The following MCUB variants were observed in gnomAD, a reference collection of about 807,000 sequenced individuals.
The protein encoded by MCUB is mitochondrial calcium uniporter dominant negative subunit beta, also known as calcium uniporter regulatory subunit MCUb, mitochondrial.
A neutral mutation model predicts 41.4 loss-of-function variants in MCUB; 46 were observed. The ratio of observed to expected loss-of-function variants is 1.11; its 90% CI spans 0.88 to 1.42. The LOEUF is 1.42. Among genes scored for constraint, MCUB ranks in the 40% most tolerant of loss-of-function variants. The pLI, the probability that MCUB is intolerant of heterozygous loss-of-function variation, is 0.00. For missense variants in MCUB, 403 were observed against 404.9 expected (o/e 1.00, Z 0.04); for synonymous variants, 148 against 148.2 (o/e 1.00, Z 0.01).
intron 1 of MCUB, among the ~76,000 whole-genome samples, chr4:109,569,497 C>CTTTTTTTTTT (rs35808519): frequency 1.1e-5 from 1 of 87,198 alleles, no homozygotes; most frequent in Non-Finnish European, 2.0e-5. Flanking sequence ...TTGGCTATCC[C>CTTTTTTTTTT]TTTTTTTTTT....
At chr4:109,686,134 G>A (rs1729831001) in intron 7 of MCUB, among the ~76,000 whole-genome samples, 1 of 152,146 alleles carries the variant, frequency 6.6e-6, no homozygotes, top group African/African-American at 2.4e-5. Flanking sequence ...AAAAATTGAA[G>A]GACGTTTTAA....
Position 109,587,650 on chromosome 4 carries a change from A to T in MCUB, c.99+27214A>T, listed in dbSNP as rs1430327521. On this transcript the variant is annotated intron_variant, in intron 1 of 7. Transcript: ENST00000394650. ...ACTTTTACAGGTTTGAAACAAGTTT[A>T]TAGGAAATCAGAATATTATCTTTAA... 3.3e-5 allele frequency among the ~76,000 whole-genome samples: 5 copies of T among 152,240 alleles called. No individual in the cohort carries two copies. The East Asian group carries it at 9.6e-4, about 29-fold the overall frequency.
At chr4:109,676,709 G>A (rs1239740309) in intron 4 of MCUB, among the ~76,000 whole-genome samples, 2 of 152,176 alleles carry the variant, frequency 1.3e-5, no homozygotes, top group African/African-American at 4.8e-5. Context: ...ACAAGACTGG[G>A]CAGTTACAAA....
intron 1 of MCUB, among the ~76,000 whole-genome samples, chr4:109,635,590 G>A (rs1225340574): frequency 6.6e-6 from 1 of 152,120 alleles, no homozygotes; most frequent in African/African-American, 2.4e-5. Flanking sequence ...ATCAGACACC[G>A]CCTCCTTCAG....
intron 1 of MCUB, among the ~76,000 whole-genome samples, chr4:109,591,876 T>C (rs1201093028): frequency 6.6e-6 from 1 of 151,738 alleles, no homozygotes; most frequent in Non-Finnish European, 1.5e-5. Context: ...TTTTTGTATT[T>C]TTTAGTAGAT....
At position 109,597,662 on chromosome 4, in the gene MCUB, C is replaced by T. The variant is rs929445650; in HGVS notation, c.99+37226C>T. On this transcript the variant is annotated intron_variant, in intron 1 of 7. Coordinates refer to ENST00000394650, the MANE Select transcript of MCUB (RefSeq NM_017918.5). Reference sequence around the variant, plus strand: ...TGACTCCCCCACCTCCCTCCCAGACCGGGCGGCTGGCCGGGCGGGGGGCTG... The same window carrying T: ...TGACTCCCCCACCTCCCTCCCAGACTGGGCGGCTGGCCGGGCGGGGGGCTG... 4.1e-3 allele frequency among the ~76,000 whole-genome samples: 489 copies of T among 120,056 alleles called. 8 individuals are homozygous for T. The highest frequency in any genetic ancestry group is 0.015 in the East Asian group (56 of 3,646). The allele number at this position is 120,056 out of a possible 152,430, so 78.8% of individuals were successfully genotyped here. A position where few individuals can be genotyped will look rare whatever the true frequency, so the allele number is the denominator to read the frequency against.
intron 1 of MCUB, among the ~76,000 whole-genome samples, chr4:109,565,034 T>C (rs1726738117): frequency 6.6e-6 from 1 of 152,210 alleles, no homozygotes; most frequent in Admixed American, 6.5e-5. Context: ...CTGCCACACT[T>C]CCACAATTAA....
chr4:109,580,533 C>T (rs1435748252), intron 1 of MCUB, among the ~76,000 whole-genome samples: 2 of 152,216 alleles, frequency 1.3e-5, no homozygotes, highest in Non-Finnish European at 2.9e-5. Context: ...ACATCCTTTC[C>T]AGCATCTGTT....
At chr4:109,575,023 A>G (rs991847781) in intron 1 of MCUB, among the ~76,000 whole-genome samples, 8 of 152,206 alleles carry the variant, frequency 5.3e-5, no homozygotes, top group African/African-American at 1.9e-4. Context: ...TAGCTTAAAT[A>G]GGAGCATTTG....
intron 1 of MCUB, among the ~76,000 whole-genome samples, chr4:109,628,998 T>G (rs1427645157): frequency 1.3e-5 from 2 of 152,202 alleles, no homozygotes; most frequent in Non-Finnish European, 2.9e-5. Context: ...GGAGCAGCAG[T>G]TTAGGACTTG....
At chr4:109,624,022 A>T (rs1285666345) in intron 1 of MCUB, among the ~76,000 whole-genome samples, 3 of 151,966 alleles carry the variant, frequency 2.0e-5, no homozygotes, top group African/African-American at 7.3e-5. Context: ...ACTGATTTTT[A>T]AAAAATTTTT....
intron 1 of MCUB, among the ~76,000 whole-genome samples, chr4:109,597,557 G>A (rs1727598751): frequency 6.9e-6 from 1 of 144,730 alleles, no homozygotes; most frequent in African/African-American, 2.5e-5. Context: ...CGGGCAGAGG[G>A]GCTCCTCACT....
chr4:109,642,640 C>G (rs973170085), intron 1 of MCUB, among the ~76,000 whole-genome samples: 21 of 148,048 alleles, frequency 1.4e-4, no homozygotes, highest in African/African-American at 5.0e-4. Context: ...CTTTTTGAAT[C>G]AGGCTGCTGC....
At chr4:109,576,251 A>G (rs181826332) in intron 1 of MCUB, among the ~76,000 whole-genome samples, 84 of 152,328 alleles carry the variant, frequency 5.5e-4, no homozygotes, top group African/African-American at 1.9e-3. Context: ...CCTTCTATGT[A>G]GTCTCCGTTA....
intron 4 of MCUB, chr4:109,681,375 C>A: frequency 2.4e-6 from 1 of 416,556 alleles, no homozygotes. Flanking sequence ...CTGGTGCAGT[C>A]TCCAAGCTGA....
At chr4:109,602,993 CTGTTGGCAT>C (rs1407062177) in intron 1 of MCUB, among the ~76,000 whole-genome samples, 2 of 152,184 alleles carry the variant, frequency 1.3e-5, no homozygotes, top group African/African-American at 4.8e-5. Context: ...AGATTGTTCA[CTGTTGGCAT>C]AGACAAATGC....
At chr4:109,573,137 C>T (rs143206138) in intron 1 of MCUB, among the ~76,000 whole-genome samples, 3 of 152,238 alleles carry the variant, frequency 2.0e-5, no homozygotes, top group African/African-American at 7.2e-5. Context: ...TTAGTAAGCA[C>T]ATATTAACCA....
At chr4:109,577,772 G>A (rs1362580787) in intron 1 of MCUB, among the ~76,000 whole-genome samples, 1 of 81,416 alleles carries the variant, frequency 1.2e-5, no homozygotes, top group Non-Finnish European at 2.6e-5. Flanking sequence ...CACCTCGCCC[G>A]GCTAATTTTT....
chr4:109,586,446 T>C (rs1727307357), intron 1 of MCUB, among the ~76,000 whole-genome samples: 1 of 152,230 alleles, frequency 6.6e-6, no homozygotes, highest in Admixed American at 6.5e-5. Flanking sequence ...TTCTGAAGCC[T>C]ACTTCTGTCA....
Sources: gnomAD v4.1 joint callset for allele counts (sites outside exome capture counted in the v4.1 genomes callset) on GRCh38, gnomAD v4.1.1 for gene constraint, MANE v1.5 for transcripts, NCBI Gene and HGNC (gene_info 2026-07-23, HGNC 2026-07-21) for gene names.